FSTL5: variants seen among roughly 807,000 people sequenced by gnomAD.
FSTL5 encodes follistatin like 5.
Under a neutral mutation model 89.1 loss-of-function variants are expected in FSTL5, and 62 were observed. The ratio of observed to expected loss-of-function variants is 0.70; its 90% CI spans 0.57 to 0.86. The LOEUF (loss-of-function observed/expected upper bound fraction) is 0.86. Among genes scored for constraint, FSTL5 ranks in the 40% least tolerant of loss-of-function variants. The pLI, the probability that FSTL5 is intolerant of heterozygous loss-of-function variation, is 0.00. For missense variants in FSTL5, 1,057 were observed against 1,001.6 expected (o/e 1.06, Z -0.75); for synonymous variants, 383 against 346.2 (o/e 1.11, Z -1.18).
chr4:162,155,428 C>T (rs1373639850), intron 1 of FSTL5, among the ~76,000 whole-genome samples: 4 of 152,148 alleles, frequency 2.6e-5, no homozygotes, highest in Admixed American at 2.6e-4. Context: ...GAAACCTTGA[C>T]GGTGAGGTCC....
At chr4:161,572,403 T>C (rs1053115740) in intron 8 of FSTL5, among the ~76,000 whole-genome samples, 3 of 146,598 alleles carry the variant, frequency 2.0e-5, no homozygotes, top group East Asian at 2.0e-4. Context: ...CCCTGACAAG[T>C]GGCAAAAGTG....
chr4:161,599,256 G>C (rs972691064), intron 7 of FSTL5, among the ~76,000 whole-genome samples: 8 of 152,004 alleles, frequency 5.3e-5, no homozygotes, highest in African/African-American at 1.9e-4. Context: ...AAGAAACCAT[G>C]TAAACATCTA....
intron 1 of FSTL5, among the ~76,000 whole-genome samples, chr4:162,114,624 A>G (rs1731568417): frequency 6.6e-6 from 1 of 151,984 alleles, no homozygotes; most frequent in Non-Finnish European, 1.5e-5. Context: ...CAAATTAACA[A>G]CTAACTTTAA....
At chr4:161,510,314 T>C (rs1730609970) in intron 11 of FSTL5, 84 bp downstream of exon 11, 2 of 812,066 alleles carry the variant, frequency 2.5e-6, no homozygotes, top group Middle Eastern at 5.1e-4. Flanking sequence ...AAAAAGAAGG[T>C]AATTAATGAT....
At chr4:161,409,339 AC>A (rs1181132146) in intron 15 of FSTL5, among the ~76,000 whole-genome samples, 1 of 152,018 alleles carries the variant, frequency 6.6e-6, no homozygotes, top group Admixed American at 6.6e-5. Context: ...GAGAAATAAA[AC>A]TTTTCCCTGA....
At chr4:161,967,647 G>A (rs1004677320) in intron 3 of FSTL5, among the ~76,000 whole-genome samples, 2 of 151,804 alleles carry the variant, frequency 1.3e-5, no homozygotes, top group African/African-American at 4.8e-5. Context: ...TGAAAATTAG[G>A]TGCAGACAAA....
At chr4:161,437,565 C>CAAAGAAAAAAAAAAAAAAAACAAACA (rs1732607154) in intron 15 of FSTL5, among the ~76,000 whole-genome samples, 3 of 68,542 alleles carry the variant, frequency 4.4e-5, no homozygotes, top group African/African-American at 2.5e-4. Flanking sequence ...GACTCCGTCT[C>CAAAGAAAAAAAAAAAAAAAACAAACA]AAAAAAAAAA....
intron 15 of FSTL5, among the ~76,000 whole-genome samples, chr4:161,409,053 T>C (rs1262866863): frequency 2.0e-5 from 3 of 152,120 alleles, no homozygotes; most frequent in African/African-American, 4.8e-5. Context: ...ACCTAAGGAA[T>C]ACAGAGAATC....
At chr4:161,707,246 A>G (rs1262695817) in intron 6 of FSTL5, among the ~76,000 whole-genome samples, 1 of 151,898 alleles carries the variant, frequency 6.6e-6, no homozygotes, top group Non-Finnish European at 1.5e-5. Flanking sequence ...ATTTTCACGG[A>G]TCAGGAGAAC....
intron 2 of FSTL5, among the ~76,000 whole-genome samples, chr4:162,060,909 A>G (rs1738698760): frequency 6.6e-6 from 1 of 152,042 alleles, no homozygotes. Flanking sequence ...TCTTCCTTCA[A>G]CATAACCAAA....
At chr4:161,951,356 C>T (rs1207395593) in intron 3 of FSTL5, among the ~76,000 whole-genome samples, 1 of 152,038 alleles carries the variant, frequency 6.6e-6, no homozygotes, top group Non-Finnish European at 1.5e-5. Context: ...TGAATTTCTC[C>T]TCCTTCAAGT....
At chr4:161,392,171 G>T (rs531429542) in intron 15 of FSTL5, among the ~76,000 whole-genome samples, 2 of 151,996 alleles carry the variant, frequency 1.3e-5, no homozygotes, top group Non-Finnish European at 2.9e-5. Flanking sequence ...GCAGTATAAA[G>T]GTCTACCACT....
intron 6 of FSTL5, among the ~76,000 whole-genome samples, chr4:161,658,318 G>A (rs566672896): frequency 1.1e-4 from 17 of 152,134 alleles, no homozygotes; most frequent in African/African-American, 4.1e-4. Flanking sequence ...AAAAAGCCAG[G>A]CATTGTGGCT....
At chr4:162,043,275 T>C (rs2111232060) in intron 2 of FSTL5, 1 of 152,278 alleles carries the variant, frequency 6.6e-6, no homozygotes, top group African/African-American at 2.4e-5. Context: ...GCAGGATCAG[T>C]TCCAGACCAC....
rs566596123 is a variant in FSTL5, at chr4:161,724,031, T to A, written c.727+35380A>T. Among the ~76,000 whole-genome samples, 7 of 152,040 alleles carry A rather than the reference T, an allele frequency of 4.6e-5. No individual in the cohort carries two copies. In the East Asian group the frequency reaches 1.2e-3, roughly 25 times the overall value. ...AAAATGACAGTACAACCAGATGAGA[T>A]TAAAATGAATAAGGCCTTAGAAAGA... On this transcript the variant is annotated intron_variant, in intron 6 of 15. Coordinates refer to ENST00000306100, the MANE Select transcript of FSTL5 (RefSeq NM_020116.5).
intron 13 of FSTL5, among the ~76,000 whole-genome samples, chr4:161,466,480 T>C (rs1211346006): frequency 6.6e-6 from 1 of 152,148 alleles, no homozygotes; most frequent in Non-Finnish European, 1.5e-5. Context: ...GCTAATTAAG[T>C]GAACCTAATT....
At chr4:161,646,624 A>G (rs1369177826) in intron 7 of FSTL5, among the ~76,000 whole-genome samples, 2 of 152,136 alleles carry the variant, frequency 1.3e-5, no homozygotes, top group African/African-American at 2.4e-5. Flanking sequence ...TACAAACAAA[A>G]AATTATTATG....
chr4:161,614,614 T>A (rs1734774678), intron 7 of FSTL5, among the ~76,000 whole-genome samples: 1 of 152,212 alleles, frequency 6.6e-6, no homozygotes, highest in Admixed American at 6.5e-5. Flanking sequence ...AAAATGCTTA[T>A]GTTGCATGAT....
At chr4:161,995,386 A>G (rs748049268) in intron 3 of FSTL5, among the ~76,000 whole-genome samples, 3 of 152,200 alleles carry the variant, frequency 2.0e-5, no homozygotes, top group African/African-American at 4.8e-5. Flanking sequence ...CAATGGAATC[A>G]GAATTCCAAA....
Sources: gnomAD v4.1 joint callset for allele counts (sites outside exome capture counted in the v4.1 genomes callset) on GRCh38, gnomAD v4.1.1 for gene constraint, MANE v1.5 for transcripts, NCBI Gene and HGNC (gene_info 2026-07-23, HGNC 2026-07-21) for gene names.